INO80C: variants seen among roughly 807,000 people sequenced by gnomAD.
INO80C encodes the protein INO80 complex subunit C, also known as IES6 homolog.
In INO80C, 17 loss-of-function variants were observed where a neutral mutation model predicts 17.7. The observed-to-expected ratio is 0.96, with a 90% CI of 0.66 to 1.44. The LOEUF is 1.44. INO80C is among the 40% of genes most tolerant of loss of function. The pLI is 0.00. For synonymous variants in INO80C, 96 were observed against 95.8 expected (o/e 1.00, Z -0.01); for missense variants, 244 against 245.0 (o/e 1.00, Z 0.03).
intron 4 of INO80C, among the ~76,000 whole-genome samples, chr18:35,475,672 TAA>T (rs147446921): frequency 2.4e-4 from 34 of 144,152 alleles, no homozygotes; most frequent in Non-Finnish European, 2.9e-4. Flanking sequence ...GACCCTGTCT[TAA>T]AAAAAAAAAA....
intron 4 of INO80C, among the ~76,000 whole-genome samples, chr18:35,471,966 T>G (rs1172653202): frequency 6.6e-6 from 1 of 152,186 alleles, no homozygotes; most frequent in African/African-American, 2.4e-5. Context: ...TATTCCATGG[T>G]GTATATGTGC....
intron 3 of INO80C, 57 bp downstream of exon 3, chr18:35,479,243 A>AT (rs2045776129): frequency 1.9e-6 from 2 of 1,080,664 alleles, no homozygotes; most frequent in Non-Finnish European, 2.8e-6. Context: ...GTAGGTTGTT[A>AT]TAAGACAGTT....
chr18:35,497,550 T>C, intron 1 of INO80C, 169 bp downstream of exon 1: 1 of 1,414,920 alleles, frequency 7.1e-7, no homozygotes, highest in South Asian at 1.5e-5. Flanking sequence ...AGCCCATGTG[T>C]CCAAACGAAG....
chr18:35,478,256 G>A lies in INO80C; in HGVS notation c.447+26C>T, dbSNP rs369453356. The stretch of plus-strand genomic sequence containing the variant: ...TACTGTGAAATCTTTTCCATTTAAT[G>A]TTATAAGAGATATAATCATACTCAC... On this transcript the variant is annotated intron_variant, in intron 4 of 4. Transcript: ENST00000334598. 269 of 1,476,276 alleles carry A rather than the reference G, an allele frequency of 1.8e-4. 4 individuals carry two copies. The East Asian group carries it at 2.5e-3, about 14-fold the overall frequency. 91.4% of individuals were successfully genotyped at this position (1,476,276 alleles called of 1,614,324 possible).
chr18:35,491,779 C>T (rs2045935349), intron 1 of INO80C, among the ~76,000 whole-genome samples: 1 of 152,188 alleles, frequency 6.6e-6, no homozygotes. Context: ...TACTAAAGCA[C>T]TATTATCACT....
chr18:35,468,831 T>C, intron 4 of INO80C, 89 bp from the exon 5 acceptor site: 1 of 1,175,122 alleles, frequency 8.5e-7, no homozygotes. Context: ...TCTATTTCAC[T>C]GAAAGTGATA....
chr18:35,492,751 G>A (rs182358003), intron 1 of INO80C, among the ~76,000 whole-genome samples: 8 of 152,236 alleles, frequency 5.3e-5, no homozygotes, highest in African/African-American at 1.9e-4. Flanking sequence ...TCCTCCTAAA[G>A]ATGCAACTAC....
At chr18:35,486,720 G>A (rs1405180147) in intron 1 of INO80C, among the ~76,000 whole-genome samples, 2 of 148,094 alleles carry the variant, frequency 1.4e-5, no homozygotes, top group African/African-American at 2.5e-5. Context: ...GCTGCACTGC[G>A]CTATGATTGT....
intron 1 of INO80C, among the ~76,000 whole-genome samples, chr18:35,485,549 T>C (rs535516120): frequency 1.3e-5 from 2 of 151,918 alleles, no homozygotes; most frequent in Middle Eastern, 3.4e-3. Flanking sequence ...CAATAACACA[T>C]ATTGGCAAAG....
At chr18:35,481,452 C>T (rs181953071) in intron 1 of INO80C, among the ~76,000 whole-genome samples, 10 of 152,294 alleles carry the variant, frequency 6.6e-5, no homozygotes, top group African/African-American at 1.2e-4. Flanking sequence ...AATTCCTATC[C>T]TTGTCAATAC....
At chr18:35,471,972 T>C (rs866628894) in intron 4 of INO80C, among the ~76,000 whole-genome samples, 1 of 152,210 alleles carries the variant, frequency 6.6e-6, no homozygotes, top group African/African-American at 2.4e-5. Flanking sequence ...ATGGTGTATA[T>C]GTGCCACATT....
In INO80C at chr18:35,468,489, T is replaced by C; in HGVS notation, c.*122A>G. 1.3e-6 allele frequency: 2 copies of C among 1,520,236 alleles called. No individual in the cohort carries two copies. Among genetic ancestry groups the C allele is most frequent in the Non-Finnish European group, 1.8e-6 (2 of 1,137,742 alleles). 94.2% of individuals were successfully genotyped at this position (1,520,236 alleles called of 1,614,324 possible). On this transcript the variant is annotated 3_prime_UTR_variant, in exon 5 of 5. Transcript: ENST00000334598. ...CCTTAAATTAAAGCCAAACATTCTT[T>C]CCAAGGCACAGCACTGGCATTTTCA...
At chr18:35,488,412 C>T (rs1162732970) in intron 1 of INO80C, among the ~76,000 whole-genome samples, 1 of 152,196 alleles carries the variant, frequency 6.6e-6, no homozygotes, top group African/African-American at 2.4e-5. Flanking sequence ...CTTCTGTGCA[C>T]CCACAGGCTC....
intron 4 of INO80C, among the ~76,000 whole-genome samples, chr18:35,473,986 A>T (rs1340397946): frequency 1.3e-5 from 2 of 151,788 alleles, no homozygotes; most frequent in Non-Finnish European, 2.9e-5. Context: ...ACAATATATC[A>T]TCCATAATGT....
At chr18:35,496,477 A>T (rs1398577203) in intron 1 of INO80C, among the ~76,000 whole-genome samples, 1 of 152,228 alleles carries the variant, frequency 6.6e-6, no homozygotes, top group Non-Finnish European at 1.5e-5. Flanking sequence ...GGAAAATGTC[A>T]CCTGCTCTTA....
In INO80C at chr18:35,479,344, A is replaced by C; in HGVS notation, c.335T>G (p.Leu112Arg). 1 of 1,614,140 alleles carries C rather than the reference A, an allele frequency of 6.2e-7. No homozygotes were observed. The highest frequency in any genetic ancestry group is 8.5e-7 in the Non-Finnish European group (1 of 1,179,988). The change falls in exon 3 of 5, where the codon CTC (leucine) becomes CGC (arginine). Residue 112 changes from leucine to arginine, a missense_variant. Coordinates refer to ENST00000334598, the MANE Select transcript of INO80C (RefSeq NM_194281.4). Reference sequence around the variant, plus strand: ...CCACGGCAATGCCCTTTCAGAAGCGAGGATTTGTTTCAGGTTCTTCCAGGT... The same window carrying C: ...CCACGGCAATGCCCTTTCAGAAGCGCGGATTTGTTTCAGGTTCTTCCAGGT... ...NRTWKNLKQI[L>R]ASERALPWQL...
chr18:35,494,196 T>G lies in INO80C; in HGVS notation c.156+3523A>C, dbSNP rs540910936. On this transcript the variant is annotated intron_variant, in intron 1 of 4. Coordinates refer to ENST00000334598, the MANE Select transcript of INO80C (RefSeq NM_194281.4). ...ATTAGCTTTGGCTCAAGGTTAGACA[T>G]TACTATATCTTCCTAATGGTTTCAT... Among the ~76,000 whole-genome samples, 42 of 152,324 alleles carry G rather than the reference T, an allele frequency of 2.8e-4. No individual in the cohort carries two copies. In the Middle Eastern group the frequency reaches 0.014, roughly 49 times the overall value.
At chr18:35,491,296 G>A (rs1413908777) in intron 1 of INO80C, among the ~76,000 whole-genome samples, 1 of 152,146 alleles carries the variant, frequency 6.6e-6, no homozygotes, top group Admixed American at 6.5e-5. Context: ...ATGAAGAGAG[G>A]ACCAGAGGTC....
At position 35,484,689 on chromosome 18, in the gene INO80C, C is replaced by T. The variant is rs567567555; in HGVS notation, c.157-4126G>A. 2.6e-5 allele frequency among the ~76,000 whole-genome samples: 4 copies of T among 152,294 alleles called. No individual in the cohort carries two copies. The South Asian group carries it at 8.3e-4, about 32-fold the overall frequency. The stretch of plus-strand genomic sequence containing the variant: ...GGATGTGCACAAATTATATGCAACA[C>T]TATGCTACTTTATTTATATCAGGGA... On this transcript the variant is annotated intron_variant, in intron 1 of 4. Transcript: ENST00000334598.
Sources: allele counts gnomAD v4.1 joint callset (sites outside exome capture counted in the v4.1 genomes callset), GRCh38; gene constraint gnomAD v4.1.1; transcripts MANE v1.5; gene names NCBI Gene and HGNC (gene_info 2026-07-23, HGNC 2026-07-21).